The following PLA2G2A variants were observed in gnomAD, a reference collection of about 807,000 sequenced individuals.
PLA2G2A encodes the protein phospholipase A2, membrane associated.
PLA2G2A carries 6 observed loss-of-function variants against 11.2 expected under a neutral mutation model. The ratio of observed to expected loss-of-function variants is 0.54; its 90% CI spans 0.29 to 1.06. PLA2G2A has a LOEUF of 1.06. Among genes scored for constraint, PLA2G2A ranks in the 50% least tolerant of loss-of-function variants. The probability of loss-of-function intolerance (pLI) is 0.08; values close to 1 mark genes in which losing one functional copy is unlikely to be tolerated. For synonymous variants in PLA2G2A, 69 were observed against 65.8 expected (o/e 1.05, Z -0.23); for missense variants, 133 against 177.1 (o/e 0.75, Z 1.41).
intron 4 of PLA2G2A, among the ~76,000 whole-genome samples, chr1:19,976,643 C>T (rs2046223417): frequency 1.3e-5 from 2 of 152,318 alleles, no homozygotes; most frequent in South Asian, 4.1e-4. Context: ...AGGACTCAGG[C>T]CATGGGCAGG....
chr1:19,975,870 G>T (rs758939360), intron 4 of PLA2G2A, 27 bp from the exon 5 acceptor site: 18 of 1,606,226 alleles, frequency 1.1e-5, no homozygotes, highest in Non-Finnish European at 1.4e-5. Context: ...ATAAACACAA[G>T]ATGGGAGTTT....
chr1:19,978,992 CA>C, intron 1 of PLA2G2A, 113 bp from the exon 2 acceptor site: 1 of 627,988 alleles, frequency 1.6e-6, no homozygotes, highest in Non-Finnish European at 2.9e-6. Flanking sequence ...CACACACACA[CA>C]CACACACAAC....
exon 5 of PLA2G2A, chr1:19,975,737 G>A: frequency 6.2e-7 from 1 of 1,613,540 alleles, no homozygotes; most frequent in Non-Finnish European, 8.5e-7. Context: ...AGTGTTTATT[G>A]GAATAGTACT....
intron 1 of PLA2G2A, among the ~76,000 whole-genome samples, chr1:19,979,262 C>T (rs538778213): frequency 5.9e-5 from 9 of 152,246 alleles, no homozygotes; most frequent in Admixed American, 2.6e-4. Flanking sequence ...CATGGAGGCT[C>T]GGCCTCAGTA....
upstream of PLA2G2A, chr1:19,980,403 G>A (rs971929059): frequency 1.3e-5 from 2 of 152,376 alleles, no homozygotes; most frequent in Admixed American, 6.5e-5. Context: ...TGGATCTGTT[G>A]CTCTTTTTCC....
At chr1:19,979,327 C>T (rs1029719301) in intron 1 of PLA2G2A, among the ~76,000 whole-genome samples, 3 of 152,192 alleles carry the variant, frequency 2.0e-5, no homozygotes, top group African/African-American at 7.2e-5. Context: ...CTAACCCCTT[C>T]CACATACACA....
chr1:19,979,929 G>C (rs1001879676), upstream of PLA2G2A, among the ~76,000 whole-genome samples: 48 of 152,300 alleles, frequency 3.2e-4, no homozygotes, highest in East Asian at 3.9e-4. Context: ...CGCCTCTAAG[G>C]GGGGCAGAGA....
chr1:19,977,079 T>C (rs1380149500), intron 4 of PLA2G2A, among the ~76,000 whole-genome samples: 1 of 152,222 alleles, frequency 6.6e-6, no homozygotes, highest in Admixed American at 6.5e-5. Flanking sequence ...CTCAGGTCTC[T>C]GCTGCTGGCT....
In PLA2G2A at chr1:19,978,377, C is replaced by T. The variant is rs531118203; in HGVS notation, c.185+3G>A. 2 of 1,611,854 alleles carry T rather than the reference C, an allele frequency of 1.2e-6. No homozygotes were observed. The highest frequency in any genetic ancestry group is 2.7e-5 in the African/African-American group (2 of 75,018). The stretch of plus-strand genomic sequence containing the variant: ...GAGGGTAGGGAGGGATAGGTGGCCT[C>T]ACCGATCCGTTGCATCCTTGGGGGA... On this transcript the variant is annotated splice_donor_region_variant and intron_variant, in intron 3 of 4. Coordinates refer to ENST00000482011, the Ensembl canonical transcript of PLA2G2A.
In PLA2G2A at chr1:19,978,004, A is replaced by G; in HGVS notation, c.292+11T>C. The G allele has an allele frequency of 1.3e-6, 2 of 1,502,290 alleles. No individual in the cohort carries two copies. The highest frequency in any genetic ancestry group is 1.9e-6 in the Non-Finnish European group (2 of 1,077,668). The allele number at this position is 1,502,290 out of a possible 1,614,324, so 93.1% of individuals were successfully genotyped here. ...AATGAGGGCCACTCGATGGTGAGGT[A>G]GGACTCTTACCACAGGTGATTCTGC... On this transcript the variant is annotated intron_variant, in intron 4 of 4. Transcript: ENST00000482011.
chr1:19,978,016 A>G, exon 4 of PLA2G2A: 1 of 1,583,074 alleles, frequency 6.3e-7, no homozygotes, highest in Non-Finnish European at 8.7e-7. Flanking sequence ...GACTCTTACC[A>G]CAGGTGATTC....
downstream of PLA2G2A, chr1:19,975,560 G>A (rs2046207653): frequency 2.6e-6 from 2 of 768,540 alleles, no homozygotes; most frequent in Middle Eastern, 3.6e-4. Context: ...TTCTGGGTGG[G>A]TATAGAAGGG....
At chr1:19,977,359 A>AT (rs947065977) in intron 4 of PLA2G2A, among the ~76,000 whole-genome samples, 12 of 151,790 alleles carry the variant, frequency 7.9e-5, no homozygotes, top group African/African-American at 1.9e-4. Context: ...ATGCATCTTG[A>AT]TTTTTTCTCC....
chr1:19,975,576 G>C, downstream of PLA2G2A: 1 of 877,840 alleles, frequency 1.1e-6, no homozygotes. Flanking sequence ...AAGGGCTCCT[G>C]CCTGGCCTCT....
chr1:19,979,314 C>A (rs1198876563), intron 1 of PLA2G2A, among the ~76,000 whole-genome samples: 1 of 152,178 alleles, frequency 6.6e-6, no homozygotes, highest in Non-Finnish European at 1.5e-5. Context: ...TCTTCTAGGC[C>A]TTCTAACCCC....
chr1:19,980,036 G>A (rs1228243211), upstream of PLA2G2A, among the ~76,000 whole-genome samples: 1 of 152,140 alleles, frequency 6.6e-6, no homozygotes, highest in Non-Finnish European at 1.5e-5. Context: ...GTGGCATTTG[G>A]GAATAGAAAA....
At chr1:19,978,700 C>A (rs1360429480) in intron 2 of PLA2G2A, 34 bp downstream of exon 2, 1 of 1,609,002 alleles carries the variant, frequency 6.2e-7, no homozygotes, top group Admixed American at 1.7e-5. Flanking sequence ...CTGGGGCTGT[C>A]CCCCCATGCT....
At chr1:19,977,168 G>A (rs2046231739) in intron 4 of PLA2G2A, among the ~76,000 whole-genome samples, 1 of 152,048 alleles carries the variant, frequency 6.6e-6, no homozygotes, top group Admixed American at 6.6e-5. Flanking sequence ...CCCTCCCTGG[G>A]TGCTGGAGGC....
At chr1:19,975,910 C>T in intron 4 of PLA2G2A, 67 bp from the exon 5 acceptor site, 1 of 1,418,398 alleles carries the variant, frequency 7.1e-7, no homozygotes, top group Non-Finnish European at 9.8e-7. Context: ...TTGTGGGAAC[C>T]CTGGGGTAGA....
Sources: gnomAD v4.1 joint callset for allele counts (sites outside exome capture counted in the v4.1 genomes callset) on GRCh38, gnomAD v4.1.1 for gene constraint, MANE v1.5 for transcripts, NCBI Gene and HGNC (gene_info 2026-07-23, HGNC 2026-07-21) for gene names.